The following MAPT variants were observed in gnomAD, a reference collection of about 807,000 sequenced individuals.
The protein encoded by MAPT is microtubule associated protein tau.
MAPT carries 34 observed loss-of-function variants against 67.9 expected under a neutral mutation model. The ratio of observed to expected loss-of-function variants is 0.50; its 90% CI spans 0.38 to 0.67. The LOEUF is 0.67. MAPT is among the 30% of genes least tolerant of loss of function. The pLI is 0.00. For synonymous variants in MAPT, 456 were observed against 464.5 expected (o/e 0.98, Z 0.23); for missense variants, 881 against 1,115.2 (o/e 0.79, Z 2.99).
At chr17:45,909,056 G>A (rs759775593) in intron 1 of MAPT, among the ~76,000 whole-genome samples, 157 of 152,218 alleles carry the variant, frequency 1.0e-3, no homozygotes, top group Non-Finnish European at 1.2e-3. Context: ...AGGCCCCCAT[G>A]GATCCCAGCG....
intron 1 of MAPT, among the ~76,000 whole-genome samples, chr17:45,921,676 T>C (rs966609267): frequency 1.4e-4 from 21 of 152,212 alleles, no homozygotes; most frequent in African/African-American, 4.6e-4. Flanking sequence ...CCATGAGATA[T>C]CCCTATTTGC....
intron 11 of MAPT, among the ~76,000 whole-genome samples, chr17:46,018,137 T>C (rs1176980129): frequency 2.3e-5 from 3 of 132,196 alleles, no homozygotes; most frequent in African/African-American, 8.8e-5. Flanking sequence ...AGAGCAAGAC[T>C]CTGTCTCAAG....
chr17:45,984,174 G>A (rs527280046), intron 5 of MAPT, among the ~76,000 whole-genome samples: 7 of 152,284 alleles, frequency 4.6e-5, no homozygotes, highest in Admixed American at 1.3e-4. Flanking sequence ...CCCCCGCTCC[G>A]TGCTACCCAC....
chr17:46,020,087 A>G (rs1598412134), intron 12 of MAPT, among the ~76,000 whole-genome samples: 1 of 151,866 alleles, frequency 6.6e-6, no homozygotes, highest in African/African-American at 2.4e-5. Flanking sequence ...GGAAGTGGAC[A>G]TCCCCAGTCA....
At chr17:45,990,193 G>A in intron 7 of MAPT, 118 bp downstream of exon 7, 2 of 918,032 alleles carry the variant, frequency 2.2e-6, no homozygotes, top group Non-Finnish European at 3.5e-6. Flanking sequence ...TGGCATAGAA[G>A]CACCGTGTAA....
chr17:45,945,253 C>T lies in MAPT; in HGVS notation c.-17-17068C>T, dbSNP rs377074376. Among the ~76,000 whole-genome samples the T allele has an allele frequency of 3.4e-4, 52 of 152,308 alleles. No homozygotes were observed. In the East Asian group the frequency reaches 8.5e-3, roughly 25 times the overall value. ...GGGGATAATAAGATAATAACAGCCC[C>T]TTGCACCTATGTGGCTGTGAGGATT... On this transcript the variant is annotated intron_variant, in intron 1 of 12. Transcript: ENST00000262410.
rs2071649341 is a variant in MAPT at position 45,971,405 on chromosome 17, T to A, written c.134-454T>A. Among the ~76,000 whole-genome samples, 1 of 152,238 alleles carries A rather than the reference T, an allele frequency of 6.6e-6. No homozygotes were observed. The highest frequency in any genetic ancestry group is 2.1e-4 in the South Asian group (1 of 4,828). The stretch of plus-strand genomic sequence containing the variant: ...TGTCCACTTAGAAGTAAGCACCGTG[T>A]CTGCCCTGAGCTGACTCCTTTTCCA... On this transcript the variant is annotated intron_variant, in intron 2 of 12. Coordinates refer to ENST00000262410, the MANE Select transcript of MAPT (RefSeq NM_001377265.1). This position sits in a 1 kb window ranked among gnomAD's most constrained non-coding sequence, Gnocchi z 4.3.
intron 1 of MAPT, among the ~76,000 whole-genome samples, chr17:45,941,689 T>TCCTTCCCTCCTG (rs1568207643): frequency 1.7e-5 from 1 of 59,704 alleles, no homozygotes; most frequent in Non-Finnish European, 3.1e-5. Context: ...CCTCCTTCCT[T>TCCTTCCCTCCTG]CCTTCCTTCC....
At chr17:45,952,063 G>A (rs1188124904) in intron 1 of MAPT, among the ~76,000 whole-genome samples, 1 of 152,204 alleles carries the variant, frequency 6.6e-6, no homozygotes, top group East Asian at 1.9e-4. Context: ...TCCTGTCTGT[G>A]TGTCTCGCTT....
chr17:45,926,641 A>G (rs2066319333), intron 1 of MAPT, among the ~76,000 whole-genome samples: 1 of 152,198 alleles, frequency 6.6e-6, no homozygotes, highest in Admixed American at 6.5e-5. Flanking sequence ...TATAAGAGAC[A>G]TTATTGGACA....
chr17:46,004,743 A>G (rs1472128658), intron 9 of MAPT, among the ~76,000 whole-genome samples: 4 of 152,198 alleles, frequency 2.6e-5, no homozygotes, highest in African/African-American at 7.2e-5. Flanking sequence ...GGGTTAGAAC[A>G]AGAAAAAGCC....
intron 1 of MAPT, among the ~76,000 whole-genome samples, chr17:45,958,453 C>T (rs748303700): frequency 3.9e-5 from 6 of 152,206 alleles, no homozygotes; most frequent in Non-Finnish European, 7.3e-5. Context: ...GGCGCGGCGG[C>T]TCATGCCTGT....
At chr17:45,936,285 T>C (rs1473962163) in intron 1 of MAPT, among the ~76,000 whole-genome samples, 4 of 152,186 alleles carry the variant, frequency 2.6e-5, no homozygotes, top group Non-Finnish European at 5.9e-5. Flanking sequence ...GTCCTCAAGG[T>C]CTTCCCAACT....
At chr17:45,956,798 C>T (rs1301454109) in intron 1 of MAPT, among the ~76,000 whole-genome samples, 4 of 150,774 alleles carry the variant, frequency 2.7e-5, no homozygotes, top group African/African-American at 4.9e-5. Context: ...TTCCTGTGTC[C>T]AAGTGTTCTC....
At position 45,921,427 on chromosome 17, in the gene MAPT, C is replaced by T. The variant is rs936346069; in HGVS notation, c.-18+26741C>T. Among the ~76,000 whole-genome samples the T allele has an allele frequency of 5.3e-5, 8 of 152,272 alleles. No individual in the cohort carries two copies. The East Asian group carries it at 1.2e-3, about 22-fold the overall frequency. On this transcript the variant is annotated intron_variant, in intron 1 of 12. Coordinates refer to ENST00000262410, the MANE Select transcript of MAPT (RefSeq NM_001377265.1). ...TAGCAGCTCGGAGAGCTCAGGAAGC[C>T]GCAGCCCCTCCTTGCCTCACCAGCC...
chr17:45,969,793 A>G (rs2071458740), intron 2 of MAPT, among the ~76,000 whole-genome samples: 1 of 152,012 alleles, frequency 6.6e-6, no homozygotes, highest in Non-Finnish European at 1.5e-5. Context: ...CCTTCCTTCC[A>G]TCCATCATTC....
In MAPT at chr17:45,996,691, G is replaced by T. The variant is rs1319289310; in HGVS notation, c.1998+27G>T. 5 of 1,611,560 alleles carry T rather than the reference G, an allele frequency of 3.1e-6. No individual in the cohort carries two copies. Among genetic ancestry groups the T allele is most frequent in the East Asian group, 4.5e-5 (2 of 44,848 alleles). ...TGAGAGTGGCTGGCTGCGCGTGGAG[G>T]TGTGGGGGGCTGCGCCTGGAGGGGT... On this transcript the variant is annotated intron_variant, in intron 9 of 12. Transcript: ENST00000262410. The surrounding 1 kb of genome is among the most constrained non-coding windows in gnomAD (Gnocchi z 4.5).
intron 9 of MAPT, among the ~76,000 whole-genome samples, chr17:46,003,123 G>GTGTGT (rs2075146603): frequency 7.7e-6 from 1 of 129,120 alleles, no homozygotes; most frequent in Non-Finnish European, 1.8e-5. Context: ...TGTGTGTGTG[G>GTGTGT]GCGCACTCTC....
At chr17:46,012,142 G>T (rs1184843230) in intron 10 of MAPT, among the ~76,000 whole-genome samples, 5 of 152,212 alleles carry the variant, frequency 3.3e-5, no homozygotes, top group Middle Eastern at 3.2e-3. Context: ...GGAAGGCCAT[G>T]TGCTTTCTGG....
Sources: allele counts gnomAD v4.1 joint callset (sites outside exome capture counted in the v4.1 genomes callset), GRCh38; gene constraint gnomAD v4.1.1; non-coding constraint Gnocchi (gnomAD v3.1); transcripts MANE v1.5; gene names NCBI Gene and HGNC (gene_info 2026-07-23, HGNC 2026-07-21).